CCL16: variants seen among roughly 807,000 people sequenced by gnomAD.
CCL16 encodes the protein C-C motif chemokine ligand 16.
Under a neutral mutation model 7.5 loss-of-function variants are expected in CCL16, and 6 were observed. The observed-to-expected ratio is 0.80, with a 90% CI of 0.44 to 1.57. The LOEUF is 1.57. CCL16 is among the 40% of genes most tolerant of loss of function. CCL16 has a pLI of 0.01. For synonymous variants in CCL16, 60 were observed against 57.7 expected (o/e 1.04, Z -0.18); for missense variants, 134 against 142.9 (o/e 0.94, Z 0.32).
At chr17:35,977,795 C>A (rs1393060146) in intron 2 of CCL16, 64 bp from the exon 3 acceptor site, 7 of 1,552,136 alleles carry the variant, frequency 4.5e-6, no homozygotes, top group Non-Finnish European at 5.3e-6. Flanking sequence ...TGCCCACCCC[C>A]ACCTCTGGTT....
rs1173168670 is a variant in CCL16 at position 35,981,325 on chromosome 17, A to G, written c.76+20T>C. ...CATCCCCCTTTCTCGTTCCTGCCCT[A>G]CAGAGACAAGTGGACTCACTTGGCT... On this transcript the variant is annotated intron_variant, in intron 1 of 2. Coordinates refer to ENST00000611905, the MANE Select transcript of CCL16 (RefSeq NM_004590.4). 8 of 1,587,574 alleles carry G rather than the reference A, an allele frequency of 5.0e-6. No homozygotes were observed. Among genetic ancestry groups the G allele is most frequent in the East Asian group, 2.2e-5 (1 of 44,702 alleles).
chr17:35,980,347 C>T (rs2089671351), intron 1 of CCL16: 1 of 152,720 alleles, frequency 6.5e-6, no homozygotes, highest in African/African-American at 2.4e-5. Flanking sequence ...ATGGTGAAAC[C>T]CCGTCTCTAC....
intron 1 of CCL16, 83 bp downstream of exon 1, chr17:35,981,262 C>G (rs369776507): frequency 1.7e-5 from 16 of 929,454 alleles, no homozygotes; most frequent in Non-Finnish European, 2.7e-5. Flanking sequence ...GCCAGAGACC[C>G]GACAGCGCCC....
chr17:35,981,220 G>T (rs571784401), intron 1 of CCL16, 125 bp downstream of exon 1: 2 of 623,818 alleles, frequency 3.2e-6, no homozygotes, highest in African/African-American at 1.8e-5. Context: ...AGCTATGCAT[G>T]AAGGTGGGGA....
intron 1 of CCL16, among the ~76,000 whole-genome samples, chr17:35,979,716 T>C (rs1254115884): frequency 6.6e-6 from 1 of 152,198 alleles, no homozygotes; most frequent in African/African-American, 2.4e-5. Flanking sequence ...ACTGCTCTTC[T>C]TGCCTTGGAA....
chr17:35,981,326 C>T lies in CCL16; in HGVS notation c.76+19G>A, dbSNP rs760649743. On this transcript the variant is annotated intron_variant, in intron 1 of 2. Coordinates refer to ENST00000611905, the MANE Select transcript of CCL16 (RefSeq NM_004590.4). ...ATCCCCCTTTCTCGTTCCTGCCCTA[C>T]AGAGACAAGTGGACTCACTTGGCTG... The T allele has an allele frequency of 4.3e-5, 69 of 1,589,678 alleles. No individual in the cohort carries two copies. The highest frequency in any genetic ancestry group is 5.8e-5 in the Non-Finnish European group (67 of 1,160,898).
In CCL16 at chr17:35,977,731, G is replaced by T. The variant is rs544207368; in HGVS notation, c.198C>A (p.Ile66=). ...CTTCTCGGTTCCTCTTGGTGACGAA[G>T]CTGCAGAGGCAGAATTAGACCGTCA... ...KALNCHLPAI[I]FVTKRNREVC... The change falls in exon 3 of 3, where the codon ATC becomes ATA. Residue 66 remains isoleucine (I), a splice_region_variant and synonymous_variant. Transcript: ENST00000611905. 5.0e-6 allele frequency: 8 copies of T among 1,611,874 alleles called. No individual in the cohort carries two copies. The African/African-American group carries it at 5.3e-5, about 11-fold the overall frequency.
intron 2 of CCL16, 115 bp downstream of exon 2, chr17:35,978,028 C>T: frequency 2.1e-6 from 3 of 1,455,316 alleles, no homozygotes; most frequent in Non-Finnish European, 2.8e-6. Flanking sequence ...AAGGCCAAAC[C>T]CTTAGCCACT....
chr17:35,979,995 C>T (rs1206955924), intron 1 of CCL16, among the ~76,000 whole-genome samples: 1 of 152,198 alleles, frequency 6.6e-6, no homozygotes, highest in African/African-American at 2.4e-5. Flanking sequence ...TTTTCTCTTT[C>T]TTGAAGCCTG....
chr17:35,977,586 G>C lies in CCL16; in HGVS notation c.343C>G (p.Gln115Glu). Residue 115 changes from glutamine (Q) to glutamate (E), a missense_variant, in exon 3 of 3, where the codon CAG (glutamine) becomes GAG (glutamate). Coordinates refer to ENST00000611905, the MANE Select transcript of CCL16 (RefSeq NM_004590.4). ...KIITAKNGQPQLLNSQ is the reference protein window; with the variant it reads ...KIITAKNGQPELLNSQ ...GGTCATCACTGGGAGTTGAGGAGCT[G>C]GGGTTGACCATTCTTTGCTGTAATA... is the stretch of plus-strand genomic sequence containing the variant. The C allele has an allele frequency of 6.2e-7, 1 of 1,612,660 alleles. No homozygotes were observed.
chr17:35,978,157 G>A lies in CCL16; in HGVS notation c.183C>T (p.His61=). The A allele has an allele frequency of 6.2e-7, 1 of 1,614,178 alleles. No individual in the cohort carries two copies. Among genetic ancestry groups the A allele is most frequent in the Non-Finnish European group, 8.5e-7 (1 of 1,180,026 alleles). The change falls in exon 2 of 3, where the codon CAC becomes CAT. Residue 61 remains histidine, a synonymous_variant. Coordinates refer to ENST00000611905, the MANE Select transcript of CCL16 (RefSeq NM_004590.4). The part of the protein sequence containing the change: ...VVGYRKALNC[H]LPAIIFVTKR... ...GACGTGCTTACATGATTGCTGGCAG[G>A]TGACAGTTGAGGGCCTTTCTGTATC... is the stretch of plus-strand genomic sequence containing the variant.
At chr17:35,978,928 TTTGAGA>T (rs930003470) in intron 1 of CCL16, 3 of 151,976 alleles carry the variant, frequency 2.0e-5, no homozygotes, top group African/African-American at 7.3e-5. Context: ...AGGTCAGAAG[TTTGAGA>T]CCAGCCTGGC....
intron 1 of CCL16, among the ~76,000 whole-genome samples, chr17:35,980,082 G>A (rs1347205992): frequency 1.3e-5 from 2 of 152,180 alleles, no homozygotes; most frequent in African/African-American, 2.4e-5. Context: ...TGTAAGTGAT[G>A]CTCATATCAC....
In CCL16 at chr17:35,977,672, T is replaced by C; in HGVS notation, c.257A>G (p.Glu86Gly). The change falls in exon 3 of 3, where the codon GAG becomes GGG. Residue 86 changes from glutamate (E) to glycine (G), a missense_variant. By Grantham distance (98) the Glu-to-Gly change is moderately conservative. Coordinates refer to ENST00000611905, the MANE Select transcript of CCL16 (RefSeq NM_004590.4). The stretch of plus-strand genomic sequence containing the variant: ...AGGTAGGTTGGGATCCTTGATGTAC[T>C]CTTGGACCCAGTCGTCATTGGGGTT... ...CTNPNDDWVQ[E>G]YIKDPNLPLL... 6.2e-7 allele frequency: 1 copy of C among 1,612,332 alleles called. No individual in the cohort carries two copies. Among genetic ancestry groups the C allele is most frequent in the Non-Finnish European group, 8.5e-7 (1 of 1,180,010 alleles).
chr17:35,977,809 A>T, intron 2 of CCL16, 78 bp from the exon 3 acceptor site: 3 of 1,494,388 alleles, frequency 2.0e-6, no homozygotes, highest in Non-Finnish European at 2.7e-6. Flanking sequence ...TCTGGTTCAC[A>T]TGGAGCTCAC....
intron 1 of CCL16, among the ~76,000 whole-genome samples, chr17:35,979,873 A>G (rs1336875294): frequency 6.6e-6 from 1 of 152,126 alleles, no homozygotes; most frequent in African/African-American, 2.4e-5. Context: ...CCAGCCCCCA[A>G]ACCTTCAGAG....
At chr17:35,980,655 A>G (rs2089674222) in intron 1 of CCL16, among the ~76,000 whole-genome samples, 1 of 152,184 alleles carries the variant, frequency 6.6e-6, no homozygotes, top group Non-Finnish European at 1.5e-5. Flanking sequence ...CTCGTAAACA[A>G]TGATAGAGGG....
Position 35,976,918 on chromosome 17 carries a change from G to A in CCL16, c.*648C>T, listed in dbSNP as rs1287707247. 1 of 152,270 alleles carries A rather than the reference G, an allele frequency of 6.6e-6. No homozygotes were observed. Among genetic ancestry groups the A allele is most frequent in the Admixed American group, 6.5e-5 (1 of 15,274 alleles). 9.4% of individuals were successfully genotyped at this position (152,270 alleles called of 1,614,324 possible). A position where few individuals can be genotyped will look rare whatever the true frequency, so the allele number is the denominator to read the frequency against. On this transcript the variant is annotated 3_prime_UTR_variant, in exon 3 of 3. Coordinates refer to ENST00000611905, the MANE Select transcript of CCL16 (RefSeq NM_004590.4). ...AGACCCAGAGGGCAAAGATCATCTG[G>A]AAGGCTGGAAACTGGCTAAGTATTT... is the stretch of plus-strand genomic sequence containing the variant.
In CCL16 at chr17:35,978,257, G is replaced by A. The variant is rs899720236; in HGVS notation, c.83C>T (p.Pro28Leu). 2 of 1,614,226 alleles carry A rather than the reference G, an allele frequency of 1.2e-6. No homozygotes were observed. The highest frequency in any genetic ancestry group is 1.7e-6 in the Non-Finnish European group (2 of 1,180,030). Residue 28 changes from proline to leucine, a missense_variant, in exon 2 of 3, where the codon CCT (proline) becomes CTT (leucine). Transcript: ENST00000611905. ...GGTGGATGGGGTGTTCACCCACTCAGGAACTTCTGAAGGAATCACATTGCA... is the reference window on the plus strand; with the variant it reads ...GGTGGATGGGGTGTTCACCCACTCAAGAACTTCTGAAGGAATCACATTGCA... ...TSASRSQPKV[P>L]EWVNTPSTCC...
Sources: gnomAD v4.1 joint callset for allele counts (sites outside exome capture counted in the v4.1 genomes callset) on GRCh38, gnomAD v4.1.1 for gene constraint, MANE v1.5 for transcripts, NCBI Gene and HGNC (gene_info 2026-07-23, HGNC 2026-07-21) for gene names.